Variants in NRDC observed in about 807,000 individuals in gnomAD.
The protein encoded by NRDC is nardilysin convertase.
Under a neutral mutation model 147.1 loss-of-function variants are expected in NRDC, and 54 were observed. That is an observed-to-expected ratio of 0.37 (90% CI 0.29 to 0.46). The LOEUF is 0.46. Among genes scored for constraint, NRDC ranks in the 20% least tolerant of loss-of-function variants. The probability of loss-of-function intolerance (pLI) is 1.00; values close to 1 mark genes in which losing one functional copy is unlikely to be tolerated. For synonymous variants in NRDC, 440 were observed against 482.1 expected (o/e 0.91, Z 1.14); for missense variants, 1,082 against 1,370.6 (o/e 0.79, Z 3.33).
intron 1 of NRDC, among the ~76,000 whole-genome samples, chr1:51,856,661 T>C (rs1682258772): frequency 6.6e-6 from 1 of 152,182 alleles, no homozygotes; most frequent in Non-Finnish European, 1.5e-5. Flanking sequence ...TGAGCCATCC[T>C]GAAGCTTCTG....
intron 1 of NRDC, among the ~76,000 whole-genome samples, chr1:51,851,874 A>C (rs1484617729): frequency 6.6e-6 from 1 of 152,200 alleles, no homozygotes; most frequent in Non-Finnish European, 1.5e-5. Flanking sequence ...GCAGTGGTAA[A>C]GCACTGAGGC....
intron 4 of NRDC, among the ~76,000 whole-genome samples, chr1:51,829,965 CTTT>C (rs941972546): frequency 7.6e-6 from 1 of 131,272 alleles, no homozygotes; most frequent in Non-Finnish European, 1.6e-5. Context: ...TCTTTTATTT[CTTT>C]TTTTTTTTTT....
chr1:51,792,587 G>T (rs924537944), intron 24 of NRDC, among the ~76,000 whole-genome samples, 163 bp from the exon 25 acceptor site: 6 of 152,286 alleles, frequency 3.9e-5, no homozygotes, highest in Middle Eastern at 3.4e-3. Context: ...TTTCCCACCA[G>T]ACTGAAGGTC....
At position 51,840,311 on chromosome 1, in the gene NRDC, T is replaced by C; in HGVS notation, c.545A>G (p.His182Arg). The C allele has an allele frequency of 1.9e-6, 3 of 1,568,814 alleles. No homozygotes were observed. The highest frequency in any genetic ancestry group is 2.6e-6 in the Non-Finnish European group (3 of 1,138,978). ...FDDEDEFDDE[H>R]DDDLDTEDNE... is the part of the protein sequence containing the mutation. ...ATCCTCAGTATCAAGATCATCATCA[T>C]GTTCATCATCAAACTCATCTTCATC... is the stretch of plus-strand genomic sequence containing the variant. The change falls in exon 2 of 31, where the codon CAT becomes CGT. Residue 182 changes from histidine (H) to arginine (R), a missense_variant. Transcript: ENST00000352171.
chr1:51,863,585 C>G (rs1439604666), intron 1 of NRDC, among the ~76,000 whole-genome samples: 1 of 152,088 alleles, frequency 6.6e-6, no homozygotes, highest in Non-Finnish European at 1.5e-5. Context: ...AGAAGTAATA[C>G]CTCCATTCCC....
intron 4 of NRDC, among the ~76,000 whole-genome samples, chr1:51,833,123 T>C (rs1249725840): frequency 2.0e-5 from 3 of 152,194 alleles, no homozygotes; most frequent in Non-Finnish European, 4.4e-5. Flanking sequence ...GGCAATCTTA[T>C]CCCTTTTTTG....
At chr1:51,844,795 G>A (rs1441235334) in intron 1 of NRDC, among the ~76,000 whole-genome samples, 9 of 94,804 alleles carry the variant, frequency 9.5e-5, no homozygotes, top group Non-Finnish European at 2.2e-5. Context: ...GGGAAGGGGA[G>A]GAGGGGGGAG....
At chr1:51,820,245 A>C (rs1680155749) in intron 8 of NRDC, among the ~76,000 whole-genome samples, 1 of 152,218 alleles carries the variant, frequency 6.6e-6, no homozygotes, top group Non-Finnish European at 1.5e-5. Flanking sequence ...ACGATTATAC[A>C]TGAAGTGAAT....
chr1:51,847,922 T>A (rs1313618110), intron 1 of NRDC, among the ~76,000 whole-genome samples: 2 of 152,254 alleles, frequency 1.3e-5, no homozygotes, highest in Non-Finnish European at 2.9e-5. Flanking sequence ...CAGCACGCTG[T>A]CACCTCTCAT....
At chr1:51,791,985 C>T in intron 26 of NRDC, 61 bp downstream of exon 26, 1 of 1,550,224 alleles carries the variant, frequency 6.5e-7, no homozygotes, top group Non-Finnish European at 8.9e-7. Flanking sequence ...ATCTGATGAA[C>T]AGCCTGCAAA....
In NRDC at chr1:51,791,652, G is replaced by C. The variant is rs747045862; in HGVS notation, c.2886C>G (p.Val962=). The C allele has an allele frequency of 6.2e-7, 1 of 1,613,508 alleles. No individual in the cohort carries two copies. The highest frequency in any genetic ancestry group is 1.1e-5 in the South Asian group (1 of 91,058). ...LRTKQTLGYH[V]YPTCRNTSGI... ...CGGATGTGTTCCTACAGGTAGGGTA[G>C]ACATGGTACCTACAAGCCAGAGAGA... is the stretch of plus-strand genomic sequence containing the variant. Residue 962 remains valine, a synonymous_variant, in exon 27 of 31, where the codon GTC becomes GTG. Coordinates refer to ENST00000352171, the MANE Select transcript of NRDC (RefSeq NM_001101662.2).
chr1:51,856,165 AATTTCATTTCTAGGT>A (rs1410888024), intron 1 of NRDC, among the ~76,000 whole-genome samples: 2 of 152,212 alleles, frequency 1.3e-5, no homozygotes, highest in Non-Finnish European at 2.9e-5. Context: ...TTCATTCAGT[AATTTCATTTCTAGGT>A]ATTTCATTTC....
chr1:51,877,066 T>C (rs902217110), intron 1 of NRDC, among the ~76,000 whole-genome samples: 1 of 152,070 alleles, frequency 6.6e-6, no homozygotes, highest in Non-Finnish European at 1.5e-5. Flanking sequence ...CGAGCACCTG[T>C]AGTCCCAGCT....
chr1:51,864,455 C>A (rs1048511482), intron 1 of NRDC, among the ~76,000 whole-genome samples: 3 of 152,116 alleles, frequency 2.0e-5, no homozygotes, highest in African/African-American at 7.2e-5. Context: ...AAAATTTTCA[C>A]CAAAAATTTG....
chr1:51,829,306 A>G (rs949390875), intron 4 of NRDC, among the ~76,000 whole-genome samples: 1 of 152,188 alleles, frequency 6.6e-6, no homozygotes, highest in Non-Finnish European at 1.5e-5. Flanking sequence ...TTGGCCTTCC[A>G]AAGTGCTGGG....
chr1:51,845,110 C>T (rs1038738891), intron 1 of NRDC, among the ~76,000 whole-genome samples: 3 of 152,194 alleles, frequency 2.0e-5, no homozygotes, highest in Admixed American at 2.0e-4. Context: ...ACCTCTCCAA[C>T]CTTCTTTCCC....
chr1:51,805,643 A>T (rs1052220134), intron 18 of NRDC, 82 bp from the exon 19 acceptor site: 11 of 806,636 alleles, frequency 1.4e-5, no homozygotes, highest in Admixed American at 3.0e-5. Flanking sequence ...TAATATATAT[A>T]TTTTTTAAAT....
chr1:51,819,298 C>CT (rs904443163), intron 9 of NRDC, among the ~76,000 whole-genome samples: 8 of 98,036 alleles, frequency 8.2e-5, no homozygotes, highest in African/African-American at 2.7e-4. Flanking sequence ...ACTCTGTCTC[C>CT]AAAAAAAAAA....
At chr1:51,803,989 C>A in intron 19 of NRDC, 25 bp from the exon 20 acceptor site, 1 of 1,542,706 alleles carries the variant, frequency 6.5e-7, no homozygotes, top group Non-Finnish European at 8.8e-7. Context: ...ATGCAAATGG[C>A]ATCTTTAATT....
Sources: gnomAD v4.1 joint callset for allele counts (sites outside exome capture counted in the v4.1 genomes callset) on GRCh38, gnomAD v4.1.1 for gene constraint, MANE v1.5 for transcripts, NCBI Gene and HGNC (gene_info 2026-07-23, HGNC 2026-07-21) for gene names.